Variants in RCAN2 observed in about 807,000 individuals in gnomAD.
The protein encoded by RCAN2 is calcipressin-2.
Under a neutral mutation model 23.6 loss-of-function variants are expected in RCAN2, and 9 were observed. The ratio of observed to expected loss-of-function variants is 0.38; its 90% CI spans 0.23 to 0.67. RCAN2 has a LOEUF of 0.67. RCAN2 is among the 30% of genes least tolerant of loss of function. The pLI is 0.51. For synonymous variants in RCAN2, 109 were observed against 115.7 expected (o/e 0.94, Z 0.37); for missense variants, 273 against 302.3 (o/e 0.90, Z 0.72).
chr6:46,432,809 AT>A (rs1450336009), intron 2 of RCAN2, among the ~76,000 whole-genome samples: 17 of 152,196 alleles, frequency 1.1e-4, no homozygotes, highest in Non-Finnish European at 4.4e-5. Flanking sequence ...AAGGTGGGAT[AT>A]ATGTGACCTC....
intron 1 of RCAN2, among the ~76,000 whole-genome samples, chr6:46,487,254 C>T (rs540545656): frequency 5.9e-5 from 9 of 152,318 alleles, no homozygotes; most frequent in South Asian, 4.1e-4. Context: ...GGAATGTTGA[C>T]GCTTCTTTAT....
At chr6:46,233,423 T>C (rs947864277) in intron 4 of RCAN2, among the ~76,000 whole-genome samples, 1 of 152,326 alleles carries the variant, frequency 6.6e-6, no homozygotes, top group East Asian at 1.9e-4. Flanking sequence ...GAAGAAACAC[T>C]GGTGGCCACT....
chr6:46,372,519 C>T lies in RCAN2; in HGVS notation c.225+84233G>A, dbSNP rs142063987. Among the ~76,000 whole-genome samples, 129 of 152,316 alleles carry T rather than the reference C, an allele frequency of 8.5e-4. 2 individuals are homozygous for T. The highest frequency in any genetic ancestry group is 2.7e-3 in the African/African-American group (113 of 41,554). On this transcript the variant is annotated intron_variant, in intron 2 of 4. Transcript: ENST00000371374. ...ACATAAACCAAGACCAGCTCAGGGA[C>T]TCCTCTTCTTCTCCAATTGGTCCTC... is the stretch of plus-strand genomic sequence containing the variant.
At chr6:46,248,650 C>T (rs1490818429) in intron 3 of RCAN2, 73 bp downstream of exon 3, 5 of 1,214,840 alleles carry the variant, frequency 4.1e-6, no homozygotes, top group Non-Finnish European at 5.7e-6. Flanking sequence ...ATAGAAAGGG[C>T]TTCATTTACA....
rs76644873 is a variant in RCAN2 at position 46,287,548 on chromosome 6, T to C, written c.226-38652A>G. On this transcript the variant is annotated intron_variant, in intron 2 of 4. Coordinates refer to ENST00000371374, the MANE Select transcript of RCAN2 (RefSeq NM_001251974.2). The stretch of plus-strand genomic sequence containing the variant: ...AAACGAATTTCTCTGTCCTGTGATA[T>C]CATTAGCAGAAGCATGACTTCCATT... Among the ~76,000 whole-genome samples, 18 of 152,378 alleles carry C rather than the reference T, an allele frequency of 1.2e-4. No individual in the cohort carries two copies. In the East Asian group the frequency reaches 3.1e-3, roughly 26 times the overall value.
chr6:46,451,096 G>A (rs1362053373), intron 2 of RCAN2, among the ~76,000 whole-genome samples: 2 of 152,046 alleles, frequency 1.3e-5, no homozygotes, highest in South Asian at 4.1e-4. Context: ...AAATAGACAT[G>A]AGCATCTTAT....
chr6:46,267,566 T>C (rs1279155680), intron 2 of RCAN2, among the ~76,000 whole-genome samples: 3 of 152,050 alleles, frequency 2.0e-5, no homozygotes, highest in Non-Finnish European at 4.4e-5. Context: ...GCACTGGTGG[T>C]CCCAACTACT....
Position 46,222,957 on chromosome 6 carries a change from G to A in RCAN2, c.*184C>T. The A allele has an allele frequency of 3.2e-6, 2 of 627,194 alleles. No homozygotes were observed. Among genetic ancestry groups the A allele is most frequent in the Admixed American group, 3.0e-5 (1 of 33,710 alleles). The allele number at this position is 627,194 out of a possible 1,614,324, so 38.9% of individuals were successfully genotyped here. ...TCTAAATAATGGGTTATACTTAATG[G>A]GTATGATATGATCAGGAGACATATC... On this transcript the variant is annotated 3_prime_UTR_variant, in exon 5 of 5. Transcript: ENST00000371374.
chr6:46,401,266 T>G (rs1561890342), intron 2 of RCAN2, among the ~76,000 whole-genome samples: 1 of 152,196 alleles, frequency 6.6e-6, no homozygotes, highest in Non-Finnish European at 1.5e-5. Flanking sequence ...TCCTCTGTCC[T>G]TCCAACCTAG....
intron 2 of RCAN2, among the ~76,000 whole-genome samples, chr6:46,312,199 G>A (rs74757695): frequency 0.023 from 3,471 of 152,270 alleles, 142 homozygotes; most frequent in African/African-American, 0.079. Context: ...TTAAGTACAA[G>A]GACATGGTAT....
chr6:46,238,845 C>T (rs948646083), intron 4 of RCAN2, among the ~76,000 whole-genome samples: 1 of 152,196 alleles, frequency 6.6e-6, no homozygotes, highest in African/African-American at 2.4e-5. Context: ...TGAGCCACCA[C>T]ACTCAGTGAC....
intron 2 of RCAN2, among the ~76,000 whole-genome samples, chr6:46,371,835 T>C (rs1029988650): frequency 7.2e-5 from 11 of 152,222 alleles, no homozygotes; most frequent in South Asian, 4.1e-4. Context: ...CAACCAACAA[T>C]GCCCAGTACA....
At chr6:46,375,315 T>C (rs1226187641) in intron 2 of RCAN2, among the ~76,000 whole-genome samples, 1 of 152,172 alleles carries the variant, frequency 6.6e-6, no homozygotes, top group Non-Finnish European at 1.5e-5. Flanking sequence ...AAAATAAAGC[T>C]AGTTGAGAAA....
At chr6:46,223,434 C>G in intron 4 of RCAN2, 133 bp from the exon 5 acceptor site, 1 of 777,916 alleles carries the variant, frequency 1.3e-6, no homozygotes, top group African/African-American at 1.7e-5. Context: ...GCAGGGATGG[C>G]ACAGGGTGTT....
chr6:46,441,066 C>A (rs1002698348), intron 2 of RCAN2, among the ~76,000 whole-genome samples: 1 of 152,188 alleles, frequency 6.6e-6, no homozygotes, highest in African/African-American at 2.4e-5. Flanking sequence ...AAACCTCCTT[C>A]CTTCCTTGAA....
intron 2 of RCAN2, among the ~76,000 whole-genome samples, chr6:46,328,141 T>C (rs1289539237): frequency 6.6e-6 from 1 of 152,208 alleles, no homozygotes; most frequent in African/African-American, 2.4e-5. Flanking sequence ...AAAGCCCTAC[T>C]TGAAGTTGTA....
intron 2 of RCAN2, among the ~76,000 whole-genome samples, chr6:46,283,874 G>A (rs1453583906): frequency 2.0e-5 from 3 of 152,206 alleles, no homozygotes; most frequent in Non-Finnish European, 4.4e-5. Context: ...CGTGGTAGAA[G>A]TAGTAGAATT....
chr6:46,395,593 C>T (rs976255707), intron 2 of RCAN2, among the ~76,000 whole-genome samples: 16 of 152,116 alleles, frequency 1.1e-4, no homozygotes, highest in Non-Finnish European at 1.8e-4. Flanking sequence ...CAGTAATATA[C>T]CTTTAAAAAT....
intron 2 of RCAN2, among the ~76,000 whole-genome samples, chr6:46,249,301 T>TTTTC (rs1261364103): frequency 6.9e-6 from 1 of 145,708 alleles, no homozygotes; most frequent in Non-Finnish European, 1.5e-5. Context: ...GCACTTTTCT[T>TTTTC]TTTCTTTCTT....
Sources: gnomAD v4.1 joint callset for allele counts (sites outside exome capture counted in the v4.1 genomes callset) on GRCh38, gnomAD v4.1.1 for gene constraint, MANE v1.5 for transcripts, NCBI Gene and HGNC (gene_info 2026-07-23, HGNC 2026-07-21) for gene names.